The following PARP15 variants were observed in gnomAD, a reference collection of about 807,000 sequenced individuals.
PARP15 encodes poly(ADP-ribose) polymerase family member 15.
PARP15 carries 50 observed loss-of-function variants against 62.1 expected under a neutral mutation model. The ratio of observed to expected loss-of-function variants is 0.81; its 90% CI spans 0.64 to 1.02. PARP15 has a LOEUF of 1.02. Ranked by LOEUF, PARP15 falls within the 50% of genes least tolerant of loss-of-function variation. The probability of loss-of-function intolerance (pLI) is 0.00; values close to 1 mark genes in which losing one functional copy is unlikely to be tolerated. For synonymous variants in PARP15, 309 were observed against 293.1 expected (o/e 1.05, Z -0.55); for missense variants, 820 against 826.5 (o/e 0.99, Z 0.10).
chr3:122,610,133 T>C (rs114551464), intron 2 of PARP15, among the ~76,000 whole-genome samples: 2,467 of 152,344 alleles, frequency 0.016, 66 homozygotes, highest in African/African-American at 0.054. Context: ...TGTTTCTGTC[T>C]GTCTCTGTCT....
At chr3:122,584,424 C>T (rs1933236295) in intron 1 of PARP15, among the ~76,000 whole-genome samples, 1 of 152,030 alleles carries the variant, frequency 6.6e-6, no homozygotes, top group South Asian at 2.1e-4. Context: ...TTAGTTCCTA[C>T]AGAACAATGT....
intron 1 of PARP15, among the ~76,000 whole-genome samples, chr3:122,595,164 G>A (rs1426077231): frequency 1.3e-5 from 2 of 151,972 alleles, no homozygotes; most frequent in Admixed American, 6.5e-5. Flanking sequence ...CTAGCTAAAG[G>A]AATTGTTTTT....
At chr3:122,621,701 A>C in intron 8 of PARP15, 90 bp downstream of exon 8, 1 of 1,181,280 alleles carries the variant, frequency 8.5e-7, no homozygotes, top group Non-Finnish European at 1.1e-6. Context: ...TGCTGAATCC[A>C]TCTGAAAGTG....
At chr3:122,589,729 A>T (rs1933720968) in intron 1 of PARP15, among the ~76,000 whole-genome samples, 1 of 152,086 alleles carries the variant, frequency 6.6e-6, no homozygotes, top group Non-Finnish European at 1.5e-5. Context: ...TGGATTTTTT[A>T]AAAATTGTTG....
At chr3:122,614,019 T>C (rs533572373) in intron 4 of PARP15, among the ~76,000 whole-genome samples, 2 of 152,104 alleles carry the variant, frequency 1.3e-5, no homozygotes, top group South Asian at 4.2e-4. Flanking sequence ...CTAATTTTTG[T>C]ATTATTAGTA....
At chr3:122,609,639 A>C (rs888591529) in intron 2 of PARP15, among the ~76,000 whole-genome samples, 1 of 151,696 alleles carries the variant, frequency 6.6e-6, no homozygotes, top group Non-Finnish European at 1.5e-5. Context: ...CAGAGGGTGC[A>C]GTGAGCCGAG....
chr3:122,584,573 C>CTTTTTTTTTT lies in PARP15; in HGVS notation c.186+6720_186+6721insTTTTTTTTTT, dbSNP rs377394521. ...TAAGGAAATATTCATCCATTTCTTTCCTTTTTTTTTTTTTTCCGAGATGGA... is the reference window on the plus strand; with the variant it reads ...TAAGGAAATATTCATCCATTTCTTTCTTTTTTTTTTCTTTTTTTTTTTTTTCCGAGATGGA... On this transcript the variant is annotated intron_variant, in intron 1 of 11. Transcript: ENST00000464300. Among the ~76,000 whole-genome samples the CTTTTTTTTTT allele has an allele frequency of 8.5e-4, 116 of 136,870 alleles. 6 individuals are homozygous for CTTTTTTTTTT. Among genetic ancestry groups the CTTTTTTTTTT allele is most frequent in the Non-Finnish European group, 1.0e-3 (67 of 64,902 alleles). The allele number at this position is 136,870 out of a possible 152,430, so 89.8% of individuals were successfully genotyped here. A position where few individuals can be genotyped will look rare whatever the true frequency, so the allele number is the denominator to read the frequency against.
intron 1 of PARP15, among the ~76,000 whole-genome samples, chr3:122,605,432 A>G (rs1250550566): frequency 6.6e-6 from 1 of 152,220 alleles, no homozygotes; most frequent in Non-Finnish European, 1.5e-5. Flanking sequence ...GGGATATTAA[A>G]TACAATTGAT....
intron 1 of PARP15, among the ~76,000 whole-genome samples, chr3:122,579,195 A>G (rs985212826): frequency 2.0e-5 from 3 of 152,162 alleles, no homozygotes; most frequent in Admixed American, 6.5e-5. Flanking sequence ...GTTTAAGTCT[A>G]TTTTTGTGTC....
intron 1 of PARP15, among the ~76,000 whole-genome samples, chr3:122,583,114 CTTTTTTTTTTT>C (rs67942585): frequency 1.2e-5 from 1 of 83,480 alleles, no homozygotes; most frequent in Non-Finnish European, 2.2e-5. Flanking sequence ...TCATCTGTAT[CTTTTTTTTTTT>C]TTTTTTTTTT....
Position 122,638,182 on chromosome 3 carries a change from C to T in PARP15, c.*2082C>T, listed in dbSNP as rs1436891562. Reference sequence around the variant, plus strand: ...CCATGGTGTATATGTGCCACATTTTCTTAATCCAGTCTATCATTGTTGGAC... The same window carrying T: ...CCATGGTGTATATGTGCCACATTTTTTTAATCCAGTCTATCATTGTTGGAC... On this transcript the variant is annotated 3_prime_UTR_variant, in exon 12 of 12. Coordinates refer to ENST00000464300, the MANE Select transcript of PARP15 (RefSeq NM_001113523.3). 1 of 152,096 alleles carries T rather than the reference C, an allele frequency of 6.6e-6. No individual in the cohort carries two copies. Among genetic ancestry groups the T allele is most frequent in the Non-Finnish European group, 1.5e-5 (1 of 68,016 alleles). 9.4% of individuals were successfully genotyped at this position (152,096 alleles called of 1,614,324 possible).
chr3:122,594,734 T>A lies in PARP15; in HGVS notation c.187-11202T>A, dbSNP rs1934204413. 2.2e-5 allele frequency: 21 copies of A among 973,210 alleles called. No individual in the cohort carries two copies. The South Asian group carries it at 9.5e-4, about 44-fold the overall frequency. The allele number at this position is 973,210 out of a possible 1,614,324, so 60.3% of individuals were successfully genotyped here. A position where few individuals can be genotyped will look rare whatever the true frequency, so the allele number is the denominator to read the frequency against. ...TAAAATTACAATACCAATAAGTTGA[T>A]TTTTACTTCTAGATGTCAACACATT... is the stretch of plus-strand genomic sequence containing the variant. On this transcript the variant is annotated intron_variant, in intron 1 of 11. Transcript: ENST00000464300.
rs768374987 is a variant in PARP15, at chr3:122,626,875, C to G, written c.1280C>G (p.Ala427Gly). The change falls in exon 9 of 12, where the codon GCT becomes GGT. Residue 427 changes from alanine to glycine, a missense_variant. Physicochemically the swap from Ala to Gly is moderately conservative, Grantham distance 60. This residue lies in a region of PARP15 where 731 missense variants were observed against 727.7 expected (regional missense o/e 1.00). Transcript: ENST00000464300. The stretch of plus-strand genomic sequence containing the variant: ...ACAGTTGCTGATAACATAATCGATG[C>G]TATTGTAGACTTCTCATCACAACAT... ...PITVADNIIDAIVDFSSQHST... is the reference protein window; with the variant it reads ...PITVADNIIDGIVDFSSQHST... 3.7e-6 allele frequency: 6 copies of G among 1,613,838 alleles called. No homozygotes were observed. In the South Asian group the frequency reaches 5.5e-5, roughly 15 times the overall value.
intron 1 of PARP15, among the ~76,000 whole-genome samples, chr3:122,597,729 T>A (rs775395716): frequency 1.1e-4 from 17 of 152,184 alleles, no homozygotes; most frequent in Non-Finnish European, 2.2e-4. Flanking sequence ...TCTATACATA[T>A]AGATTTTATA....
intron 1 of PARP15, among the ~76,000 whole-genome samples, chr3:122,599,359 C>A (rs561608926): frequency 6.8e-6 from 1 of 147,548 alleles, no homozygotes; most frequent in African/African-American, 2.5e-5. Context: ...GGCAACAGAG[C>A]GAGACATAGT....
At position 122,614,967 on chromosome 3, in the gene PARP15, C is replaced by T. The variant is rs75183912; in HGVS notation, c.772-812C>T. 765 of 651,932 alleles carry T rather than the reference C, an allele frequency of 1.2e-3. 37 individuals are homozygous for T. In the East Asian group the frequency reaches 0.086, roughly 73 times the overall value. The allele number at this position is 651,932 out of a possible 1,614,324, so 40.4% of individuals were successfully genotyped here. On this transcript the variant is annotated intron_variant, in intron 4 of 11. Transcript: ENST00000464300. ...ATCAGTTGAGTCCAGGGGGTTGAGGCTGCAGTGAGTCAAGATCATGCCACT... is the reference window on the plus strand; with the variant it reads ...ATCAGTTGAGTCCAGGGGGTTGAGGTTGCAGTGAGTCAAGATCATGCCACT...
chr3:122,581,058 A>G (rs7621904), intron 1 of PARP15, among the ~76,000 whole-genome samples: 56,513 of 152,100 alleles, frequency 0.37, 10,934 homozygotes, highest in Admixed American at 0.46. Flanking sequence ...ATATAGCCTA[A>G]GTGTATAGTA....
At chr3:122,599,098 C>G (rs1934586189) in intron 1 of PARP15, among the ~76,000 whole-genome samples, 1 of 151,956 alleles carries the variant, frequency 6.6e-6, no homozygotes. Context: ...GGTTTCACCA[C>G]TTTGGGCAGG....
At chr3:122,580,880 C>T (rs907972142) in intron 1 of PARP15, among the ~76,000 whole-genome samples, 1 of 152,090 alleles carries the variant, frequency 6.6e-6, no homozygotes, top group Admixed American at 6.5e-5. Flanking sequence ...AGTGACCGAC[C>T]ATGTAAACCA....
Sources: allele counts gnomAD v4.1 joint callset (sites outside exome capture counted in the v4.1 genomes callset), GRCh38; gene constraint gnomAD v4.1.1; regional missense constraint gnomAD v4.1.1; transcripts MANE v1.5; gene names NCBI Gene and HGNC (gene_info 2026-07-23, HGNC 2026-07-21).